ARL15: variants seen among roughly 807,000 people sequenced by gnomAD.
ARL15 encodes the protein ADP-ribosylation factor-like protein 15.
A neutral mutation model predicts 25.2 loss-of-function variants in ARL15; 19 were observed. The ratio of observed to expected loss-of-function variants is 0.75; its 90% CI spans 0.53 to 1.10. ARL15 has a LOEUF of 1.10. Ranked by LOEUF, ARL15 falls within the 50% of genes least tolerant of loss-of-function variation. The pLI is 0.00. For synonymous variants in ARL15, 94 were observed against 86.8 expected, an observed-to-expected ratio of 1.08 and a Z score of -0.46; for missense variants, 220 against 246.0, an observed-to-expected ratio of 0.89 and a Z score of 0.71.
At chr5:54,264,086 T>C (rs1450448590) in intron 1 of ARL15, among the ~76,000 whole-genome samples, 2 of 152,292 alleles carry the variant, frequency 1.3e-5, no homozygotes, top group Admixed American at 6.5e-5. Context: ...ATTAGGGACC[T>C]AATCATCTTT....
chr5:54,136,301 G>A (rs1046506052), intron 3 of ARL15, among the ~76,000 whole-genome samples: 1 of 152,148 alleles, frequency 6.6e-6, no homozygotes, highest in Admixed American at 6.5e-5. Context: ...GCTACATCAT[G>A]AGAGATATAT....
chr5:53,910,673 A>G (rs1393823509), intron 4 of ARL15, among the ~76,000 whole-genome samples: 5 of 139,638 alleles, frequency 3.6e-5, no homozygotes, highest in African/African-American at 1.3e-4. Flanking sequence ...ATATATATAT[A>G]AAGAAAACGT....
At chr5:53,889,104 G>T (rs901701396) in intron 4 of ARL15, among the ~76,000 whole-genome samples, 2 of 151,610 alleles carry the variant, frequency 1.3e-5, no homozygotes, top group African/African-American at 2.4e-5. Flanking sequence ...CTGAGAAGAG[G>T]GCTGGTCACA....
chr5:54,186,174 G>A (rs1328844041), intron 1 of ARL15, among the ~76,000 whole-genome samples: 5 of 152,150 alleles, frequency 3.3e-5, no homozygotes, highest in Non-Finnish European at 7.3e-5. Context: ...AGAAGTGTCC[G>A]TAATCCCTGT....
intron 4 of ARL15, among the ~76,000 whole-genome samples, chr5:53,978,023 C>A (rs1284986983): frequency 2.6e-5 from 4 of 152,146 alleles, no homozygotes; most frequent in Admixed American, 2.0e-4. Context: ...GAGACAAAAA[C>A]TTTATTTAGT....
intron 1 of ARL15, among the ~76,000 whole-genome samples, chr5:54,242,403 G>C (rs758338990): frequency 6.6e-6 from 1 of 152,142 alleles, no homozygotes; most frequent in Non-Finnish European, 1.5e-5. Flanking sequence ...CGTGATTTGG[G>C]CCGGGATGAG....
At chr5:54,096,170 TC>T (rs2112161664) in intron 4 of ARL15, among the ~76,000 whole-genome samples, 1 of 152,324 alleles carries the variant, frequency 6.6e-6, no homozygotes, top group Admixed American at 6.5e-5. Context: ...TCATGTTAGT[TC>T]ATATTAATTT....
chr5:54,239,965 G>A (rs931836623), intron 1 of ARL15, among the ~76,000 whole-genome samples: 2 of 152,076 alleles, frequency 1.3e-5, no homozygotes, highest in Non-Finnish European at 2.9e-5. Flanking sequence ...CGGTGGCTCA[G>A]GCCTGTAATC....
chr5:54,157,760 T>C (rs1206482453), intron 2 of ARL15, among the ~76,000 whole-genome samples: 4 of 152,170 alleles, frequency 2.6e-5, no homozygotes, highest in Non-Finnish European at 1.5e-5. Context: ...AAAATAGTCG[T>C]AAATGTTTTC....
At chr5:54,245,840 G>A (rs1010783924) in intron 1 of ARL15, among the ~76,000 whole-genome samples, 14 of 152,004 alleles carry the variant, frequency 9.2e-5, no homozygotes, top group Admixed American at 7.9e-4. Context: ...CACCCACCTC[G>A]GCCTTCCAAA....
intron 1 of ARL15, among the ~76,000 whole-genome samples, chr5:54,270,463 C>G (rs779333541): frequency 6.6e-6 from 1 of 152,218 alleles, no homozygotes; most frequent in Non-Finnish European, 1.5e-5. Context: ...CCTACCATAA[C>G]TTAGAATGCC....
intron 4 of ARL15, among the ~76,000 whole-genome samples, chr5:53,897,101 A>G (rs1161693202): frequency 6.6e-6 from 1 of 152,168 alleles, no homozygotes; most frequent in Non-Finnish European, 1.5e-5. Context: ...GATAATTTGT[A>G]TACTATAAAA....
At chr5:54,233,823 A>G (rs1170306068) in intron 1 of ARL15, among the ~76,000 whole-genome samples, 1 of 152,232 alleles carries the variant, frequency 6.6e-6, no homozygotes, top group Admixed American at 6.5e-5. Flanking sequence ...TACTTTAACC[A>G]AAACACACAA....
At chr5:53,943,132 G>T (rs1272888138) in intron 4 of ARL15, among the ~76,000 whole-genome samples, 1 of 152,044 alleles carries the variant, frequency 6.6e-6, no homozygotes, top group Non-Finnish European at 1.5e-5. Flanking sequence ...GGGGTGTTGG[G>T]GAAGATAAGA....
chr5:54,210,683 G>A (rs1245002850), intron 1 of ARL15, among the ~76,000 whole-genome samples: 3 of 152,198 alleles, frequency 2.0e-5, no homozygotes, highest in Non-Finnish European at 4.4e-5. Flanking sequence ...TTTTGTTGCA[G>A]TTGTTGCTGC....
rs1339360694 is a variant in ARL15, at chr5:54,138,072, A to C, written c.253+16508T>G. 2.6e-5 allele frequency among the ~76,000 whole-genome samples: 4 copies of C among 152,300 alleles called. No homozygotes were observed. The East Asian group carries it at 7.7e-4, about 29-fold the overall frequency. ...CAGAAAATTTGAAACCTTTTATAAA[A>C]CCACTAATTCTTTTGTAATGCTACA... On this transcript the variant is annotated intron_variant, in intron 3 of 4. Transcript: ENST00000504924.
At chr5:54,012,265 T>G (rs16881988) in intron 4 of ARL15, among the ~76,000 whole-genome samples, 5 of 152,304 alleles carry the variant, frequency 3.3e-5, no homozygotes, top group Middle Eastern at 3.4e-3. Context: ...GCAAATATTG[T>G]AGTCTTCCAG....
intron 4 of ARL15, among the ~76,000 whole-genome samples, chr5:53,950,321 T>G (rs1409965738): frequency 6.6e-6 from 1 of 151,038 alleles, no homozygotes; most frequent in East Asian, 1.9e-4. Context: ...CCACTTCTAC[T>G]AAGCCAGATG....
intron 4 of ARL15, among the ~76,000 whole-genome samples, chr5:54,060,435 A>AAAAC (rs950230411): frequency 6.6e-6 from 1 of 152,212 alleles, no homozygotes; most frequent in Admixed American, 6.5e-5. Context: ...ACACTGTATC[A>AAAAC]AAACAAACAA....
Sources: gnomAD v4.1 joint callset for allele counts (sites outside exome capture counted in the v4.1 genomes callset) on GRCh38, gnomAD v4.1.1 for gene constraint, MANE v1.5 for transcripts, NCBI Gene and HGNC (gene_info 2026-07-23, HGNC 2026-07-21) for gene names.